GPC5: variants seen among roughly 807,000 people sequenced by gnomAD.
GPC5 encodes the protein glypican-5.
Under a neutral mutation model 53.9 loss-of-function variants are expected in GPC5, and 47 were observed. The ratio of observed to expected loss-of-function variants is 0.87; its 90% CI spans 0.69 to 1.11. The LOEUF is 1.11. Ranked by LOEUF, GPC5 falls within the 50% of genes most tolerant of loss-of-function variation. GPC5 has a pLI of 0.00. For missense variants in GPC5, 748 were observed against 713.1 expected (o/e 1.05, Z -0.56); for synonymous variants, 286 against 263.3 (o/e 1.09, Z -0.84).
At chr13:91,991,125 GAC>G (rs1313669655) in intron 6 of GPC5, among the ~76,000 whole-genome samples, 1 of 152,180 alleles carries the variant, frequency 6.6e-6, no homozygotes, top group African/African-American at 2.4e-5. Context: ...GCCTAATGAA[GAC>G]ACAACTATGA....
chr13:91,578,224 A>G (rs1333729980), intron 2 of GPC5, among the ~76,000 whole-genome samples: 1 of 152,200 alleles, frequency 6.6e-6, no homozygotes, highest in Non-Finnish European at 1.5e-5. Flanking sequence ...GCTTCAAATG[A>G]TAGCTCTCCT....
chr13:92,293,378 C>G (rs71432004), intron 7 of GPC5, among the ~76,000 whole-genome samples: 9,964 of 139,280 alleles, frequency 0.072, 394 homozygotes, highest in Non-Finnish European at 0.089. Flanking sequence ...AGAGGTCTTT[C>G]ACCTCTTTGG....
intron 7 of GPC5, among the ~76,000 whole-genome samples, chr13:92,522,392 G>T (rs1881092116): frequency 6.6e-6 from 1 of 152,142 alleles, no homozygotes; most frequent in South Asian, 2.1e-4. Flanking sequence ...TAATAGACTG[G>T]ATTAAGAAAA....
intron 7 of GPC5, among the ~76,000 whole-genome samples, chr13:92,742,824 T>C (rs1392030397): frequency 4.6e-5 from 7 of 152,164 alleles, no homozygotes; most frequent in Admixed American, 6.6e-5. Flanking sequence ...CCCAGCACCA[T>C]TTATTAAATA....
intron 7 of GPC5, among the ~76,000 whole-genome samples, chr13:92,661,083 T>C (rs1209161532): frequency 1.3e-5 from 2 of 152,050 alleles, no homozygotes; most frequent in Non-Finnish European, 2.9e-5. Context: ...GGAGGGTTGC[T>C]TGACTCAGGA....
intron 1 of GPC5, among the ~76,000 whole-genome samples, chr13:91,443,973 C>T (rs897291360): frequency 6.6e-6 from 1 of 152,154 alleles, no homozygotes; most frequent in Non-Finnish European, 1.5e-5. Context: ...ATATTAGACT[C>T]ACAACAATTT....
intron 6 of GPC5, among the ~76,000 whole-genome samples, chr13:92,127,535 G>C (rs1002299175): frequency 9.9e-5 from 15 of 152,056 alleles, no homozygotes; most frequent in Non-Finnish European, 1.9e-4. Flanking sequence ...ATACATAATG[G>C]TACTCAGGAT....
At chr13:91,655,049 G>T (rs1360352507) in intron 2 of GPC5, among the ~76,000 whole-genome samples, 1 of 152,072 alleles carries the variant, frequency 6.6e-6, no homozygotes, top group African/African-American at 2.4e-5. Flanking sequence ...TATTTATTGA[G>T]AGACCAGCAG....
intron 7 of GPC5, among the ~76,000 whole-genome samples, chr13:92,770,985 C>T (rs1204070158): frequency 1.3e-5 from 2 of 152,048 alleles, no homozygotes; most frequent in Non-Finnish European, 1.5e-5. Flanking sequence ...TCCACTGACA[C>T]GAGGATATGG....
chr13:91,459,858 A>T (rs888755451), intron 2 of GPC5, among the ~76,000 whole-genome samples: 2 of 152,172 alleles, frequency 1.3e-5, no homozygotes, highest in Non-Finnish European at 2.9e-5. Flanking sequence ...TTTTGATATA[A>T]TTCACAATTC....
intron 2 of GPC5, among the ~76,000 whole-genome samples, chr13:91,664,481 TGTTTTGA>T (rs1350001719): frequency 6.6e-6 from 1 of 152,250 alleles, no homozygotes; most frequent in African/African-American, 2.4e-5. Flanking sequence ...TTAATTTTTC[TGTTTTGA>T]GTTTTATTTT....
intron 7 of GPC5, among the ~76,000 whole-genome samples, chr13:92,767,287 A>G (rs547350702): frequency 9.5e-4 from 145 of 152,108 alleles, no homozygotes; most frequent in Non-Finnish European, 1.2e-3. Flanking sequence ...CCTGGCCAAC[A>G]TGGTGAAACC....
At chr13:92,756,751 A>T (rs1224515803) in intron 7 of GPC5, among the ~76,000 whole-genome samples, 4 of 147,832 alleles carry the variant, frequency 2.7e-5, no homozygotes, top group African/African-American at 1.0e-4. Flanking sequence ...AGAGAATAAA[A>T]TACCTAGGAA....
At chr13:92,748,060 A>C (rs1361734649) in intron 7 of GPC5, among the ~76,000 whole-genome samples, 1 of 152,200 alleles carries the variant, frequency 6.6e-6, no homozygotes, top group Non-Finnish European at 1.5e-5. Context: ...TATGCAAAAA[A>C]GGGTTCTTGT....
At chr13:92,641,257 T>C (rs1885585755) in intron 7 of GPC5, among the ~76,000 whole-genome samples, 1 of 152,130 alleles carries the variant, frequency 6.6e-6, no homozygotes, top group African/African-American at 2.4e-5. Flanking sequence ...GGGGATATGG[T>C]ACCCCGAGAA....
At chr13:91,877,800 G>A (rs1324096394) in intron 5 of GPC5, among the ~76,000 whole-genome samples, 2 of 152,132 alleles carry the variant, frequency 1.3e-5, no homozygotes, top group African/African-American at 4.8e-5. Context: ...GATATGGTTT[G>A]GCTGTGTCCC....
At chr13:92,452,029 C>T (rs943529407) in intron 7 of GPC5, among the ~76,000 whole-genome samples, 3 of 152,108 alleles carry the variant, frequency 2.0e-5, no homozygotes, top group African/African-American at 2.4e-5. Flanking sequence ...CCCAGAAAAA[C>T]GGATGCAACT....
chr13:91,442,621 T>A (rs1324065), intron 1 of GPC5, among the ~76,000 whole-genome samples: 104,032 of 152,106 alleles, frequency 0.68, 36,542 homozygotes, highest in African/African-American at 0.84. Flanking sequence ...CTGATTGCAT[T>A]CTCATGGTGA....
chr13:91,528,030 A>C (rs1438218886), intron 2 of GPC5, among the ~76,000 whole-genome samples: 1 of 152,154 alleles, frequency 6.6e-6, no homozygotes, highest in Non-Finnish European at 1.5e-5. Flanking sequence ...TGGTGTGAAG[A>C]TCTCTGAAGT....
Sources: allele counts gnomAD v4.1 joint callset (sites outside exome capture counted in the v4.1 genomes callset), GRCh38; gene constraint gnomAD v4.1.1; transcripts MANE v1.5; gene names NCBI Gene and HGNC (gene_info 2026-07-23, HGNC 2026-07-21).